The following SMAD2 variants were observed in gnomAD, a reference collection of about 807,000 sequenced individuals.
SMAD2 encodes the protein MAD homolog 2.
In SMAD2, 8 loss-of-function variants were observed where a neutral mutation model predicts 64.4. The ratio of observed to expected loss-of-function variants is 0.12; its 90% CI spans 0.07 to 0.22. SMAD2 has a LOEUF of 0.22. Ranked by LOEUF, SMAD2 falls within the 10% of genes least tolerant of loss-of-function variation. The pLI, the probability that SMAD2 is intolerant of heterozygous loss-of-function variation, is 1.00. For missense variants in SMAD2, 289 were observed against 561.2 expected (o/e 0.51, Z 4.90); for synonymous variants, 203 against 195.8 (o/e 1.04, Z -0.31).
At chr18:47,861,408 T>C (rs1240831115) in intron 6 of SMAD2, among the ~76,000 whole-genome samples, 1 of 152,092 alleles carries the variant, frequency 6.6e-6, no homozygotes, top group East Asian at 1.9e-4. Flanking sequence ...ATCTACAGAA[T>C]TCTAGAACCA....
Position 47,809,081 on chromosome 18 carries a change from C to G in SMAD2, c.*32746G>C, listed in dbSNP as rs1292464447. Reference sequence around the variant, plus strand: ...AAAACCAATGGTGCCTAAGGCGGTGCTGAAGGAAGAATTCTCAGCAGCAGT... The same window carrying G: ...AAAACCAATGGTGCCTAAGGCGGTGGTGAAGGAAGAATTCTCAGCAGCAGT... On this transcript the variant is annotated 3_prime_UTR_variant, in exon 11 of 11. Transcript: ENST00000262160. The G allele has an allele frequency of 6.6e-6, 1 of 152,204 alleles. No homozygotes were observed. Among genetic ancestry groups the G allele is most frequent in the African/African-American group, 2.4e-5 (1 of 41,458 alleles). 9.4% of individuals were successfully genotyped at this position (152,204 alleles called of 1,614,324 possible).
intron 6 of SMAD2, among the ~76,000 whole-genome samples, chr18:47,860,789 C>T (rs1035640860): frequency 3.3e-5 from 5 of 152,116 alleles, no homozygotes; most frequent in African/African-American, 9.7e-5. Context: ...ATATGATCCT[C>T]TTTATAAACG....
At chr18:47,926,125 C>CT in intron 1 of SMAD2, among the ~76,000 whole-genome samples, 1 of 152,308 alleles carries the variant, frequency 6.6e-6, no homozygotes, top group East Asian at 1.9e-4. Context: ...ACCCTTTCAG[C>CT]TTGGAATCTG....
chr18:47,863,402 C>T (rs2031331572), intron 6 of SMAD2, among the ~76,000 whole-genome samples: 1 of 152,170 alleles, frequency 6.6e-6, no homozygotes. Context: ...CCCAACACTG[C>T]AATTATTTTA....
At chr18:47,891,583 C>T (rs2033195985) in intron 2 of SMAD2, among the ~76,000 whole-genome samples, 3 of 151,058 alleles carry the variant, frequency 2.0e-5, no homozygotes, top group Admixed American at 1.3e-4. Context: ...TGGCTGTTCA[C>T]AGATGTGATC....
At chr18:47,862,526 G>T (rs1164656853) in intron 6 of SMAD2, among the ~76,000 whole-genome samples, 2 of 152,110 alleles carry the variant, frequency 1.3e-5, no homozygotes, top group African/African-American at 4.8e-5. Context: ...TCTTCATATA[G>T]CACATTCCTC....
chr18:47,847,700 C>CAAAAAA (rs58794971), intron 8 of SMAD2, among the ~76,000 whole-genome samples: 1 of 111,890 alleles, frequency 8.9e-6, no homozygotes, highest in Admixed American at 9.8e-5. Flanking sequence ...ATTTCCAAAG[C>CAAAAAA]AAAAAAAAAA....
intron 1 of SMAD2, among the ~76,000 whole-genome samples, chr18:47,914,431 T>A (rs141463793): frequency 1.6e-4 from 24 of 152,332 alleles, no homozygotes; most frequent in African/African-American, 4.3e-4. Context: ...TAGGTACTAT[T>A]ATTTACAAAT....
intron 1 of SMAD2, among the ~76,000 whole-genome samples, chr18:47,926,324 C>G (rs929239204): frequency 2.0e-5 from 3 of 152,194 alleles, no homozygotes; most frequent in African/African-American, 7.2e-5. Context: ...TTTTCCCAAA[C>G]ATGATTTAGG....
rs189602965 is a variant in SMAD2 at position 47,909,196 on chromosome 18, G to A, written c.-53-12387C>T. Among the ~76,000 whole-genome samples, 580 of 152,282 alleles carry A rather than the reference G, an allele frequency of 3.8e-3. 2 individuals carry two copies. The highest frequency in any genetic ancestry group is 4.7e-3 in the Non-Finnish European group (317 of 68,024). On this transcript the variant is annotated intron_variant, in intron 1 of 10. Transcript: ENST00000262160. ...AAAATGCAGGTTTTATGTAGGTACAGGATTGCTATAAAGAAAGGCGTACCT... is the reference window on the plus strand; with the variant it reads ...AAAATGCAGGTTTTATGTAGGTACAAGATTGCTATAAAGAAAGGCGTACCT...
At chr18:47,861,220 G>A (rs1292957381) in intron 6 of SMAD2, among the ~76,000 whole-genome samples, 1 of 152,038 alleles carries the variant, frequency 6.6e-6, no homozygotes, top group Non-Finnish European at 1.5e-5. Context: ...GCTGGGCGTG[G>A]TAGTGCATGC....
intron 10 of SMAD2, among the ~76,000 whole-genome samples, chr18:47,843,869 G>A (rs1914214297): frequency 6.6e-6 from 1 of 152,074 alleles, no homozygotes; most frequent in Admixed American, 6.5e-5. Flanking sequence ...ACTGTTCTTA[G>A]CAGATCTATA....
In SMAD2 at chr18:47,809,096, TCAG is replaced by T. The variant is rs1412645998; in HGVS notation, c.*32728_*32730del. 1 of 152,280 alleles carries T rather than the reference TCAG, an allele frequency of 6.6e-6. No homozygotes were observed. The highest frequency in any genetic ancestry group is 1.5e-5 in the Non-Finnish European group (1 of 68,072). 9.4% of individuals were successfully genotyped at this position (152,280 alleles called of 1,614,324 possible). A position where few individuals can be genotyped will look rare whatever the true frequency, so the allele number is the denominator to read the frequency against. The stretch of plus-strand genomic sequence containing the variant: ...TAAGGCGGTGCTGAAGGAAGAATTC[TCAG>T]CAGCAGTTCTCAACAACAGATCACA... On this transcript the variant is annotated 3_prime_UTR_variant, in exon 11 of 11. Transcript: ENST00000262160.
chr18:47,922,266 G>T (rs2034589572), intron 1 of SMAD2, among the ~76,000 whole-genome samples: 1 of 152,116 alleles, frequency 6.6e-6, no homozygotes. Context: ...AAATATGATG[G>T]TGCTGCCTCA....
chr18:47,866,173 G>A (rs188074638), intron 5 of SMAD2, among the ~76,000 whole-genome samples: 7 of 151,636 alleles, frequency 4.6e-5, no homozygotes, highest in South Asian at 2.1e-4. Context: ...AAAATTAGCC[G>A]GGCATGGTGG....
At chr18:47,849,067 G>A (rs1211282399) in intron 7 of SMAD2, among the ~76,000 whole-genome samples, 2 of 152,074 alleles carry the variant, frequency 1.3e-5, no homozygotes, top group Non-Finnish European at 2.9e-5. Flanking sequence ...AGCTAAAGTG[G>A]GGTAAGATAA....
chr18:47,850,312 T>TATAATATATATTATTTATAA (rs1915097073), intron 7 of SMAD2, among the ~76,000 whole-genome samples: 1 of 23,616 alleles, frequency 4.2e-5, no homozygotes, highest in Non-Finnish European at 7.1e-5. Flanking sequence ...ATTATGTATG[T>TATAATATATATTATTTATAA]TATATACATA....
intron 8 of SMAD2, among the ~76,000 whole-genome samples, chr18:47,846,119 A>G (rs930504381): frequency 6.6e-6 from 1 of 152,202 alleles, no homozygotes; most frequent in African/African-American, 2.4e-5. Context: ...GTTAATTTTG[A>G]AGGAATTCAC....
rs1915054775 is a variant in SMAD2, at chr18:47,850,263, AATATATAT to A, written c.784+1003_784+1010del. On this transcript the variant is annotated intron_variant, in intron 7 of 10. Coordinates refer to ENST00000262160, the MANE Select transcript of SMAD2 (RefSeq NM_005901.6). ...ATTATATATTATATATATTATGTATAATATATATTATATATTATATATATTATGTATAA... is the reference window on the plus strand; with the variant it reads ...ATTATATATTATATATATTATGTATATATATATTATATATATTATGTATAA... Among the ~76,000 whole-genome samples, 2 of 78,430 alleles carry A rather than the reference AATATATAT, an allele frequency of 2.6e-5. 1 individual carries two copies. Among genetic ancestry groups the A allele is most frequent in the African/African-American group, 1.1e-4 (2 of 17,456 alleles). 51.5% of individuals were successfully genotyped at this position (78,430 alleles called of 152,430 possible). A position where few individuals can be genotyped will look rare whatever the true frequency, so the allele number is the denominator to read the frequency against.
Sources: gnomAD v4.1 joint callset for allele counts (sites outside exome capture counted in the v4.1 genomes callset) on GRCh38, gnomAD v4.1.1 for gene constraint, MANE v1.5 for transcripts, NCBI Gene and HGNC (gene_info 2026-07-23, HGNC 2026-07-21) for gene names.